Variants in SCNN1G observed in about 807,000 individuals in gnomAD.
SCNN1G encodes the protein sodium channel epithelial 1 subunit gamma.
SCNN1G carries 27 observed loss-of-function variants against 64.6 expected under a neutral mutation model. The observed-to-expected ratio is 0.42, with a 90% CI of 0.31 to 0.58. The LOEUF (loss-of-function observed/expected upper bound fraction) is 0.58. SCNN1G is among the 20% of genes least tolerant of loss of function. SCNN1G has a pLI of 0.18. For synonymous variants in SCNN1G, 330 were observed against 314.2 expected (o/e 1.05, Z -0.53); for missense variants, 743 against 823.4 (o/e 0.90, Z 1.19).
At chr16:23,194,029 A>G in intron 4 of SCNN1G, 142 bp from the exon 5 acceptor site, 1 of 704,234 alleles carries the variant, frequency 1.4e-6, no homozygotes, top group Non-Finnish European at 2.6e-6. Context: ...TTGTCATTTG[A>G]TCAGGAGCAA....
intron 3 of SCNN1G, 86 bp downstream of exon 3, chr16:23,189,757 T>A: frequency 7.8e-7 from 1 of 1,286,424 alleles, no homozygotes; most frequent in Non-Finnish European, 1.1e-6. Context: ...CACTAGCCCC[T>A]GTGGTCCAAC....
chr16:23,200,753 C>T (rs548422735), intron 6 of SCNN1G, among the ~76,000 whole-genome samples: 110 of 152,236 alleles, frequency 7.2e-4, no homozygotes, highest in Non-Finnish European at 1.3e-3. Flanking sequence ...CACGACTGAC[C>T]TGGGGCTCAT....
At chr16:23,191,135 G>C (rs958879186) in intron 3 of SCNN1G, among the ~76,000 whole-genome samples, 1 of 152,020 alleles carries the variant, frequency 6.6e-6, no homozygotes, top group African/African-American at 2.4e-5. Context: ...GTGAGCCACC[G>C]CACCTGGCCT....
chr16:23,203,349 G>T (rs1200575711), intron 6 of SCNN1G, among the ~76,000 whole-genome samples: 1 of 152,148 alleles, frequency 6.6e-6, no homozygotes, highest in Non-Finnish European at 1.5e-5. Flanking sequence ...CTCACCCAGT[G>T]GGGTTGGGGA....
intron 8 of SCNN1G, among the ~76,000 whole-genome samples, chr16:23,212,472 TGGTC>T (rs1960095500): frequency 6.6e-6 from 1 of 152,000 alleles, no homozygotes; most frequent in Non-Finnish European, 1.5e-5. Context: ...AAACCAAGGG[TGGTC>T]TGACCTTCAA....
intron 2 of SCNN1G, 84 bp downstream of exon 2, chr16:23,186,672 C>A: frequency 8.3e-7 from 1 of 1,208,058 alleles, no homozygotes; most frequent in Non-Finnish European, 1.2e-6. Flanking sequence ...GACACACTGG[C>A]AGCCTGGAGG....
In SCNN1G at chr16:23,215,743, G is replaced by A. The variant is rs982101709; in HGVS notation, c.*274G>A. The A allele has an allele frequency of 1.9e-6, 1 of 527,900 alleles. No homozygotes were observed. The highest frequency in any genetic ancestry group is 3.4e-6 in the Non-Finnish European group (1 of 291,460). 32.7% of individuals were successfully genotyped at this position (527,900 alleles called of 1,614,324 possible). A position where few individuals can be genotyped will look rare whatever the true frequency, so the allele number is the denominator to read the frequency against. The stretch of plus-strand genomic sequence containing the variant: ...ACGTCACTAGAGACTGGGAGCCGAG[G>A]CAGTGGTGCTGGCCCAAGTGAAGGC... On this transcript the variant is annotated 3_prime_UTR_variant, in exon 13 of 13. Coordinates refer to ENST00000300061, the MANE Select transcript of SCNN1G (RefSeq NM_001039.4).
Position 23,212,698 on chromosome 16 carries a change from C to T in SCNN1G, c.1315C>T (p.His439Tyr), listed in dbSNP as rs1423871203. ...CTCAGTGTATTGTTACTACCAACTG[C>T]ATCGAGCCTTTGTCCAGGAAGAGCT... The part of the protein sequence containing the change: ...PNWMYCYYQL[H>Y]RAFVQEELGC... Residue 439 changes from histidine (H) to tyrosine (Y), a missense_variant, in exon 9 of 13, where the codon CAT becomes TAT. By Grantham distance (83) the His-to-Tyr change is moderately conservative. Transcript: ENST00000300061. The T allele has an allele frequency of 4.3e-6, 7 of 1,614,092 alleles. No individual in the cohort carries two copies. Among genetic ancestry groups the T allele is most frequent in the Non-Finnish European group, 5.1e-6 (6 of 1,179,958 alleles).
At chr16:23,185,070 C>G (rs1274043000) in intron 1 of SCNN1G, among the ~76,000 whole-genome samples, 4 of 152,212 alleles carry the variant, frequency 2.6e-5, no homozygotes, top group African/African-American at 9.7e-5. Context: ...ACCCAGCGTA[C>G]TACCAGGCCC....
In SCNN1G at chr16:23,212,772, G is replaced by A. The variant is rs377497559; in HGVS notation, c.1373+16G>A. ...AAGCCTGCAGGTATGTGGACCCCAA[G>A]GGGTGAGACGGGTGGCTGGGTTGGG... On this transcript the variant is annotated intron_variant, in intron 9 of 12. Coordinates refer to ENST00000300061, the MANE Select transcript of SCNN1G (RefSeq NM_001039.4). 1.1e-4 allele frequency: 175 copies of A among 1,613,802 alleles called. No homozygotes were observed. The highest frequency in any genetic ancestry group is 3.8e-4 in the Admixed American group (23 of 59,996).
chr16:23,212,254 A>G, intron 8 of SCNN1G, 103 bp downstream of exon 8: 2 of 792,806 alleles, frequency 2.5e-6, no homozygotes, highest in Non-Finnish European at 4.5e-6. Context: ...CTTTTGCGTG[A>G]GGGAGGTATT....
intron 6 of SCNN1G, among the ~76,000 whole-genome samples, chr16:23,198,994 A>G (rs772114179): frequency 4.6e-5 from 7 of 151,840 alleles, no homozygotes; most frequent in Non-Finnish European, 7.4e-5. Flanking sequence ...TTCAAGACCC[A>G]GCTTGGGCAA....
intron 6 of SCNN1G, among the ~76,000 whole-genome samples, chr16:23,205,100 A>G (rs1567267416): frequency 6.6e-6 from 1 of 152,192 alleles, no homozygotes; most frequent in Admixed American, 6.5e-5. Context: ...AGCATGAGCT[A>G]TCATGCCTGG....
At chr16:23,209,728 G>A (rs1960048395) in intron 6 of SCNN1G, 22 bp from the exon 7 acceptor site, 9 of 1,583,024 alleles carry the variant, frequency 5.7e-6, no homozygotes, top group Non-Finnish European at 6.9e-6. Flanking sequence ...ACAGGGCTGA[G>A]TGTGTGCTGC....
chr16:23,205,705 A>AG (rs1213890535), intron 6 of SCNN1G, among the ~76,000 whole-genome samples: 1 of 63,010 alleles, frequency 1.6e-5, no homozygotes, highest in African/African-American at 4.8e-5. Flanking sequence ...ATCTCCAAGA[A>AG]AAAAAAAAAA....
rs1379000807 is a variant in SCNN1G, at chr16:23,213,110, G to A, written c.1440G>A (p.Leu480=). ...QWPSVVSEKW[L]LPVLTWDQGR... ...TTCTCTCTCCGTTGTAGAAGTGGTTGCTGCCTGTTCTCACTTGGGACCAAG... is the reference window on the plus strand; with the variant it reads ...TTCTCTCTCCGTTGTAGAAGTGGTTACTGCCTGTTCTCACTTGGGACCAAG... Residue 480 remains leucine (L), a synonymous_variant, in exon 11 of 13, where the codon TTG becomes TTA. Transcript: ENST00000300061. The A allele has an allele frequency of 1.9e-6, 3 of 1,613,778 alleles. No individual in the cohort carries two copies. The highest frequency in any genetic ancestry group is 2.5e-6 in the Non-Finnish European group (3 of 1,179,848).
At chr16:23,194,010 G>A (rs1329454791) in intron 4 of SCNN1G, among the ~76,000 whole-genome samples, 161 bp from the exon 5 acceptor site, 3 of 152,120 alleles carry the variant, frequency 2.0e-5, no homozygotes, top group African/African-American at 7.2e-5. Context: ...CCAGGATGAG[G>A]GGCCTTGTTT....
chr16:23,194,387 C>T, intron 5 of SCNN1G, 113 bp downstream of exon 5: 1 of 767,712 alleles, frequency 1.3e-6, no homozygotes. Flanking sequence ...TCCCACTTGG[C>T]CAGAAACCAG....
chr16:23,213,985 A>G (rs927046973), intron 11 of SCNN1G, among the ~76,000 whole-genome samples: 2 of 151,980 alleles, frequency 1.3e-5, no homozygotes, highest in Non-Finnish European at 2.9e-5. Context: ...ACGACCCTCC[A>G]CTGTTTTGTA....
Sources: gnomAD v4.1 joint callset for allele counts (sites outside exome capture counted in the v4.1 genomes callset) on GRCh38, gnomAD v4.1.1 for gene constraint, MANE v1.5 for transcripts, NCBI Gene and HGNC (gene_info 2026-07-23, HGNC 2026-07-21) for gene names.